The following LRFN5 variants were observed in gnomAD, a reference collection of about 807,000 sequenced individuals.
The protein encoded by LRFN5 is leucine-rich repeat and fibronectin type-III domain-containing protein 5.
In LRFN5, 24 loss-of-function variants were observed where a neutral mutation model predicts 45.6. The ratio of observed to expected loss-of-function variants is 0.53; its 90% confidence interval spans 0.38 to 0.74. LRFN5 has a LOEUF of 0.74. LRFN5 is among the 30% of genes least tolerant of loss of function. The pLI is 0.00. For missense variants in LRFN5, 776 were observed against 861.5 expected, an observed-to-expected ratio of 0.90 and a Z score of 1.24; for synonymous variants, 340 against 313.8, an observed-to-expected ratio of 1.08 and a Z score of -0.88.
At chr14:41,864,686 C>A (rs1318680593) in intron 2 of LRFN5, among the ~76,000 whole-genome samples, 3 of 152,048 alleles carry the variant, frequency 2.0e-5, no homozygotes, top group Admixed American at 1.3e-4. Context: ...ACAATTCAAC[C>A]CATAACAGTG....
chr14:41,623,486 A>G (rs1304487659), intron 1 of LRFN5, among the ~76,000 whole-genome samples: 1 of 152,140 alleles, frequency 6.6e-6, no homozygotes, highest in African/African-American at 2.4e-5. Flanking sequence ...AATTCTCTGT[A>G]TTTGAGTTCC....
intron 1 of LRFN5, among the ~76,000 whole-genome samples, chr14:41,743,163 A>C (rs1209984318): frequency 6.6e-6 from 1 of 152,144 alleles, no homozygotes; most frequent in African/African-American, 2.4e-5. Context: ...TGCTTGAGGA[A>C]ATTTTGATTT....
At chr14:41,712,437 G>A (rs1054280446) in intron 1 of LRFN5, among the ~76,000 whole-genome samples, 1 of 151,976 alleles carries the variant, frequency 6.6e-6, no homozygotes, top group African/African-American at 2.4e-5. Context: ...AAGGTAAAAC[G>A]TTCTGAATTT....
rs534844585 is a variant in LRFN5, at chr14:41,811,198, T to C, written c.-21+44169T>C. Among the ~76,000 whole-genome samples, 33 of 152,204 alleles carry C rather than the reference T, an allele frequency of 2.2e-4. No individual in the cohort carries two copies. The South Asian group carries it at 6.6e-3, about 31-fold the overall frequency. Reference sequence around the variant, plus strand: ...TCAAAATTATTAGCCATTAGAGACATGCAGATTATAACTACAATAAAATAG... The same window carrying C: ...TCAAAATTATTAGCCATTAGAGACACGCAGATTATAACTACAATAAAATAG... On this transcript the variant is annotated intron_variant, in intron 2 of 5. Coordinates refer to ENST00000298119, the MANE Select transcript of LRFN5 (RefSeq NM_152447.5).
chr14:41,639,446 C>T (rs937725726), intron 1 of LRFN5, among the ~76,000 whole-genome samples: 3 of 152,138 alleles, frequency 2.0e-5, no homozygotes, highest in Non-Finnish European at 4.4e-5. Flanking sequence ...AAGAACTGGA[C>T]ACCTGGCTTC....
chr14:41,803,625 GGAT>G lies in LRFN5; in HGVS notation c.-21+36599_-21+36601del, dbSNP rs1359260826. 3.3e-5 allele frequency among the ~76,000 whole-genome samples: 5 copies of G among 151,876 alleles called. 1 individual carries two copies. The highest frequency in any genetic ancestry group is 6.8e-3 in the Middle Eastern group (2 of 294). On this transcript the variant is annotated intron_variant, in intron 2 of 5. Transcript: ENST00000298119. ...GTCTCTCAAAATGATGGGATTACAG[GGAT>G]GAGCCACCATACCTAGCCCAAATAC...
intron 1 of LRFN5, among the ~76,000 whole-genome samples, chr14:41,746,444 G>A (rs369188833): frequency 3.3e-4 from 50 of 152,114 alleles, no homozygotes; most frequent in African/African-American, 1.1e-3. Context: ...AACATGGCAA[G>A]AATCCACTTT....
intron 1 of LRFN5, among the ~76,000 whole-genome samples, chr14:41,722,315 T>C (rs1474749222): frequency 6.6e-6 from 1 of 152,138 alleles, no homozygotes. Context: ...TGGGTCTCTT[T>C]GAGTTTCTTT....
At chr14:41,883,474 C>G (rs1245857749) in intron 2 of LRFN5, among the ~76,000 whole-genome samples, 1 of 152,146 alleles carries the variant, frequency 6.6e-6, no homozygotes, top group Non-Finnish European at 1.5e-5. Context: ...AGACACTATC[C>G]TTTACATTTT....
intron 2 of LRFN5, among the ~76,000 whole-genome samples, chr14:41,792,611 T>C (rs2166750): frequency 0.7 from 105,705 of 151,802 alleles, 37,092 homozygotes; most frequent in East Asian, 0.92. Flanking sequence ...CTTGCACGTC[T>C]GTTTATATGC....
intron 2 of LRFN5, among the ~76,000 whole-genome samples, chr14:41,854,171 A>G (rs1014380207): frequency 6.6e-6 from 1 of 152,042 alleles, no homozygotes; most frequent in East Asian, 1.9e-4. Flanking sequence ...CCTGTGTCCA[A>G]GTGTTCTCAT....
At chr14:41,839,594 T>C (rs1456944158) in intron 2 of LRFN5, among the ~76,000 whole-genome samples, 1 of 152,128 alleles carries the variant, frequency 6.6e-6, no homozygotes, top group Non-Finnish European at 1.5e-5. Context: ...ATAATATGCA[T>C]TCTGGGAGGA....
At chr14:41,743,138 G>C (rs2138825470) in intron 1 of LRFN5, among the ~76,000 whole-genome samples, 1 of 152,208 alleles carries the variant, frequency 6.6e-6, no homozygotes, top group African/African-American at 2.4e-5. Context: ...GTTCATTATT[G>C]TTCATGCATA....
chr14:41,891,756 C>T lies in LRFN5; in HGVS notation c.1892C>T (p.Pro631Leu), dbSNP rs771067923. ...DSSTTTSALP[P>L]SWTSSTSVSQ... ...TCTACCACTACCTCTGCTTTGCCTCCTTCCTGGACTTCAAGCACTTCTGTG... is the reference window on the plus strand; with the variant it reads ...TCTACCACTACCTCTGCTTTGCCTCTTTCCTGGACTTCAAGCACTTCTGTG... The change falls in exon 4 of 6, where the codon CCT becomes CTT. Residue 631 changes from proline to leucine, a missense_variant. Transcript: ENST00000298119. The T allele has an allele frequency of 1.2e-6, 2 of 1,614,158 alleles. No individual in the cohort carries two copies. Among genetic ancestry groups the T allele is most frequent in the Middle Eastern group, 1.6e-4 (1 of 6,062 alleles).
intron 1 of LRFN5, among the ~76,000 whole-genome samples, chr14:41,624,773 T>A (rs1333899626): frequency 2.0e-5 from 3 of 152,202 alleles, no homozygotes; most frequent in African/African-American, 4.8e-5. Context: ...CATGCTTTTT[T>A]AAAATCAGTT....
At chr14:41,648,674 T>G (rs933228085) in intron 1 of LRFN5, among the ~76,000 whole-genome samples, 1 of 152,152 alleles carries the variant, frequency 6.6e-6, no homozygotes, top group Non-Finnish European at 1.5e-5. Flanking sequence ...GATGACTCTA[T>G]ATTTTAAACA....
In LRFN5 at chr14:41,852,727, A is replaced by G. The variant is rs528843406; in HGVS notation, c.-20-33879A>G. 1.6e-4 allele frequency among the ~76,000 whole-genome samples: 25 copies of G among 152,044 alleles called. 1 individual carries two copies. The South Asian group carries it at 4.8e-3, about 29-fold the overall frequency. Reference sequence around the variant, plus strand: ...ATTCTCTTTAGCTCACAGGGCTTCAAAAACGTCTATGCTATCCTTCTTTCA... The same window carrying G: ...ATTCTCTTTAGCTCACAGGGCTTCAGAAACGTCTATGCTATCCTTCTTTCA... On this transcript the variant is annotated intron_variant, in intron 2 of 5. Coordinates refer to ENST00000298119, the MANE Select transcript of LRFN5 (RefSeq NM_152447.5).
intron 1 of LRFN5, among the ~76,000 whole-genome samples, chr14:41,650,672 T>A (rs931563306): frequency 2.0e-5 from 3 of 152,128 alleles, no homozygotes; most frequent in African/African-American, 7.2e-5. Context: ...TTATGTAGAT[T>A]TATATGGGAA....
Position 41,741,639 on chromosome 14 carries a change from G to A in LRFN5, c.-196-25215G>A, listed in dbSNP as rs1884696940. Among the ~76,000 whole-genome samples, 4 of 151,684 alleles carry A rather than the reference G, an allele frequency of 2.6e-5. No homozygotes were observed. The South Asian group carries it at 8.3e-4, about 32-fold the overall frequency. On this transcript the variant is annotated intron_variant, in intron 1 of 5. Transcript: ENST00000298119. ...AGCTTCATAATTTTGGTCTGGGCAA[G>A]GATTTCTGGGATGGAACTTCAAAAG...
Sources: allele counts gnomAD v4.1 joint callset (sites outside exome capture counted in the v4.1 genomes callset), GRCh38; gene constraint gnomAD v4.1.1; transcripts MANE v1.5; gene names NCBI Gene and HGNC (gene_info 2026-07-23, HGNC 2026-07-21).